GFRA1: variants seen among roughly 807,000 people sequenced by gnomAD.
GFRA1 encodes the protein GDNF family receptor alpha 1.
In GFRA1, 16 loss-of-function variants were observed where a neutral mutation model predicts 51.6. The ratio of observed to expected loss-of-function variants is 0.31; its 90% CI spans 0.21 to 0.47. GFRA1 has a LOEUF of 0.47. GFRA1 is among the 20% of genes least tolerant of loss of function. GFRA1 has a pLI of 1.00. For synonymous variants in GFRA1, 270 were observed against 241.3 expected, an observed-to-expected ratio of 1.12 and a Z score of -1.10; for missense variants, 530 against 594.3, an observed-to-expected ratio of 0.89 and a Z score of 1.13.
intron 9 of GFRA1, among the ~76,000 whole-genome samples, chr10:116,080,140 T>C (rs780595554): frequency 1.3e-5 from 2 of 152,128 alleles, no homozygotes; most frequent in Non-Finnish European, 2.9e-5. Flanking sequence ...CCTTGAAACT[T>C]ACAACTAATA....
intron 4 of GFRA1, among the ~76,000 whole-genome samples, chr10:116,218,759 G>A (rs946194845): frequency 2.0e-5 from 3 of 152,170 alleles, no homozygotes; most frequent in Non-Finnish European, 4.4e-5. Context: ...GCCTCACTCC[G>A]CATCTCCAGC....
intron 6 of GFRA1, among the ~76,000 whole-genome samples, chr10:116,100,568 A>G (rs1037110295): frequency 1.3e-5 from 2 of 152,320 alleles, no homozygotes; most frequent in South Asian, 4.1e-4. Context: ...AAGCCTTTGA[A>G]TGATCCAAGG....
chr10:116,121,135 C>T (rs1957624219), intron 6 of GFRA1, among the ~76,000 whole-genome samples: 1 of 152,170 alleles, frequency 6.6e-6, no homozygotes, highest in Admixed American at 6.5e-5. Flanking sequence ...TTTGTGGCAC[C>T]TGAGCCAGCG....
intron 6 of GFRA1, among the ~76,000 whole-genome samples, chr10:116,103,415 A>G (rs1158322603): frequency 6.6e-6 from 1 of 152,212 alleles, no homozygotes; most frequent in African/African-American, 2.4e-5. Flanking sequence ...GGTGGCCCTT[A>G]TATTACATAC....
In GFRA1 at chr10:116,270,913, C is replaced by T; in HGVS notation, c.243G>A (p.Gln81=). 1.2e-6 allele frequency: 2 copies of T among 1,614,178 alleles called. No individual in the cohort carries two copies. The highest frequency in any genetic ancestry group is 2.2e-5 in the South Asian group (2 of 91,090). The change falls in exon 3 of 11, where the codon CAG becomes CAA. Residue 81 remains glutamine (Q), a synonymous_variant. Transcript: ENST00000355422. ...TGCAGCGGCAGTTGTAGAGCGACTT[C>T]TGCTTCAGGGCCTCCATGGCGCTGC... ...ECRSAMEALK[Q]KSLYNCRCKR...
At chr10:116,099,883 T>C (rs1201074828) in intron 6 of GFRA1, among the ~76,000 whole-genome samples, 1 of 152,280 alleles carries the variant, frequency 6.6e-6, no homozygotes, top group African/African-American at 2.4e-5. Flanking sequence ...GGTATATCTT[T>C]ACAAACTTTT....
chr10:116,112,826 G>T (rs553801942), intron 6 of GFRA1, among the ~76,000 whole-genome samples: 1 of 152,184 alleles, frequency 6.6e-6, no homozygotes, highest in Non-Finnish European at 1.5e-5. Context: ...GGGCTCCAGC[G>T]CTTGGCTGGG....
At chr10:116,165,572 T>C (rs917076054) in intron 5 of GFRA1, among the ~76,000 whole-genome samples, 2 of 152,106 alleles carry the variant, frequency 1.3e-5, no homozygotes, top group African/African-American at 4.8e-5. Flanking sequence ...TCAAGAAACC[T>C]TGGCCCTCAC....
intron 9 of GFRA1, among the ~76,000 whole-genome samples, chr10:116,075,600 A>G (rs182808326): frequency 6.6e-6 from 1 of 152,294 alleles, no homozygotes; most frequent in East Asian, 1.9e-4. Flanking sequence ...TTGTATCAAG[A>G]GGCCTGGCCC....
At chr10:116,070,672 T>C (rs1478488015) in intron 9 of GFRA1, among the ~76,000 whole-genome samples, 1 of 152,090 alleles carries the variant, frequency 6.6e-6, no homozygotes, top group Non-Finnish European at 1.5e-5. Flanking sequence ...CAAATTAATT[T>C]CTGTATATAA....
At chr10:116,236,404 T>A (rs1034905758) in intron 4 of GFRA1, among the ~76,000 whole-genome samples, 1 of 152,100 alleles carries the variant, frequency 6.6e-6, no homozygotes, top group African/African-American at 2.4e-5. Flanking sequence ...CTTTCTCATA[T>A]GCAAAAGCAG....
In GFRA1 at chr10:116,096,749, A is replaced by G. The variant is rs1331297138; in HGVS notation, c.786T>C (p.Asp262=). 2.5e-6 allele frequency: 4 copies of G among 1,603,264 alleles called. No individual in the cohort carries two copies. Among genetic ancestry groups the G allele is most frequent in the Non-Finnish European group, 3.4e-6 (4 of 1,173,368 alleles). ...TNYICRSRLA[D]FFTNCQPESR... ...ACTCTGGCTGGCAGTTGGTAAAAAA[A>G]TCCGCAAGGCGAGATCTACAATAGG... is the stretch of plus-strand genomic sequence containing the variant. Residue 262 remains aspartate (D), a synonymous_variant, in exon 7 of 11, where the codon GAT becomes GAC. Transcript: ENST00000355422.
At chr10:116,134,803 T>C (rs1185653069) in intron 5 of GFRA1, among the ~76,000 whole-genome samples, 1 of 152,188 alleles carries the variant, frequency 6.6e-6, no homozygotes, top group Non-Finnish European at 1.5e-5. Context: ...GGGCTAGCCT[T>C]ATCCATTAGC....
chr10:116,148,800 G>A (rs567631814), intron 5 of GFRA1, among the ~76,000 whole-genome samples: 84 of 152,110 alleles, frequency 5.5e-4, no homozygotes, highest in Non-Finnish European at 4.1e-4. Flanking sequence ...TCCAGGGCAC[G>A]AAGAAAAGAG....
chr10:116,129,602 G>A (rs1958020065), intron 5 of GFRA1, among the ~76,000 whole-genome samples: 1 of 151,964 alleles, frequency 6.6e-6, no homozygotes, highest in African/African-American at 2.4e-5. Context: ...AAGAACAAAG[G>A]ATTCCCCTTT....
chr10:116,095,944 A>G (rs921868213), intron 7 of GFRA1, among the ~76,000 whole-genome samples: 4 of 152,084 alleles, frequency 2.6e-5, no homozygotes, highest in Admixed American at 1.3e-4. Context: ...TACCTGGGAC[A>G]CCTGCCTTTC....
At chr10:116,084,536 G>A (rs1956001634) in intron 9 of GFRA1, among the ~76,000 whole-genome samples, 1 of 152,130 alleles carries the variant, frequency 6.6e-6, no homozygotes, top group Non-Finnish European at 1.5e-5. Flanking sequence ...GCATTTCCAG[G>A]GGCAAGGGGC....
At chr10:116,147,834 A>AC (rs1307935622) in intron 5 of GFRA1, among the ~76,000 whole-genome samples, 1 of 151,832 alleles carries the variant, frequency 6.6e-6, no homozygotes, top group East Asian at 1.9e-4. Flanking sequence ...CTCAAACCTC[A>AC]CGCACGCTCC....
chr10:116,272,168 A>G lies in GFRA1; in HGVS notation c.-139T>C, dbSNP rs1844010353. 3 of 786,348 alleles carry G rather than the reference A, an allele frequency of 3.8e-6. No homozygotes were observed. Among genetic ancestry groups the G allele is most frequent in the Non-Finnish European group, 6.4e-6 (3 of 467,352 alleles). The allele number at this position is 786,348 out of a possible 1,614,324, so 48.7% of individuals were successfully genotyped here. On this transcript the variant is annotated 5_prime_UTR_variant, in exon 2 of 11. Transcript: ENST00000355422. This position sits in a 1 kb window ranked among gnomAD's most constrained non-coding sequence, Gnocchi z 4.4. Reference sequence around the variant, plus strand: ...GCCCAAAGTTCAGCTCCATCCAGTGAAAGAGGAAACTCCGGGTCTGGCAGC... The same window carrying G: ...GCCCAAAGTTCAGCTCCATCCAGTGGAAGAGGAAACTCCGGGTCTGGCAGC...
Sources: allele counts gnomAD v4.1 joint callset (sites outside exome capture counted in the v4.1 genomes callset), GRCh38; gene constraint gnomAD v4.1.1; non-coding constraint Gnocchi (gnomAD v3.1); transcripts MANE v1.5; gene names NCBI Gene and HGNC (gene_info 2026-07-23, HGNC 2026-07-21).